Variants in SH3BP2 observed in about 807,000 individuals in gnomAD.
SH3BP2 encodes SH3 domain binding protein 2.
Under a neutral mutation model 56.2 loss-of-function variants are expected in SH3BP2, and 38 were observed. The observed-to-expected ratio is 0.68, with a 90% confidence interval of 0.52 to 0.89. The LOEUF (loss-of-function observed/expected upper bound fraction) is 0.89, where lower values mean the gene tolerates loss of function less well. SH3BP2 is among the 40% of genes least tolerant of loss of function. The pLI, the probability that SH3BP2 is intolerant of heterozygous loss-of-function variation, is 0.00. For synonymous variants in SH3BP2, 346 were observed against 316.7 expected (o/e 1.09, Z -0.98); for missense variants, 748 against 762.6 (o/e 0.98, Z 0.23).
chr4:2,812,080 G>T, intron 1 of SH3BP2: 3 of 996,272 alleles, frequency 3.0e-6, no homozygotes, highest in Non-Finnish European at 4.1e-6. Context: ...GAGCCAGAGA[G>T]CCCTGGCCTC....
Position 2,830,124 on chromosome 4 carries a change from G to A in SH3BP2, c.1218G>A (p.Glu406=), listed in dbSNP as rs1281853755. ...GGCCCGCAGTCCTGCCCAGGCCAGA[G>A]AAGCCGCAGCTCCCGCACCTCCAGT... ...MARPAVLPRP[E]KPQLPHLQRS... is the part of the protein sequence containing the mutation. Residue 406 remains glutamate (E), a synonymous_variant, in exon 8 of 13, where the codon GAG becomes GAA. Coordinates refer to ENST00000503393, the MANE Select transcript of SH3BP2 (RefSeq NM_001122681.2). The A allele has an allele frequency of 6.2e-7, 1 of 1,602,926 alleles. No individual in the cohort carries two copies. Among genetic ancestry groups the A allele is most frequent in the Non-Finnish European group, 8.5e-7 (1 of 1,179,312 alleles).
intron 6 of SH3BP2, 96 bp downstream of exon 6, chr4:2,827,414 T>G: frequency 7.6e-7 from 1 of 1,323,968 alleles, no homozygotes; most frequent in Non-Finnish European, 1.1e-6. Context: ...TCGGCTGTGC[T>G]CCTTGCTCTG....
At chr4:2,811,351 G>C (rs745404475) in intron 1 of SH3BP2, among the ~76,000 whole-genome samples, 1 of 152,230 alleles carries the variant, frequency 6.6e-6, no homozygotes, top group African/African-American at 2.4e-5. Flanking sequence ...TTTGTGGCCT[G>C]TGCTCTGTGG....
At chr4:2,806,414 C>G (rs1263098597) in intron 1 of SH3BP2, among the ~76,000 whole-genome samples, 2 of 152,210 alleles carry the variant, frequency 1.3e-5, no homozygotes, top group African/African-American at 4.8e-5. Flanking sequence ...CATCAGGACT[C>G]TGGAGAATTT....
intron 1 of SH3BP2, among the ~76,000 whole-genome samples, chr4:2,806,238 CCT>C (rs1723528969): frequency 6.6e-6 from 1 of 152,196 alleles, no homozygotes; most frequent in Admixed American, 6.5e-5. Context: ...GACTGCCGCC[CCT>C]CTCGGGACCC....
In SH3BP2 at chr4:2,827,651, C is replaced by T. The variant is rs1724745474; in HGVS notation, c.563C>T (p.Ser188Phe). The T allele has an allele frequency of 6.3e-7, 1 of 1,595,444 alleles. No homozygotes were observed. Among genetic ancestry groups the T allele is most frequent in the Non-Finnish European group, 8.5e-7 (1 of 1,170,724 alleles). Residue 188 changes from serine (S) to phenylalanine (F), a missense_variant, in exon 7 of 13, where the codon TCC (serine) becomes TTC (phenylalanine). By Grantham distance (155) the Ser-to-Phe change is radical (BLOSUM62 -2). Transcript: ENST00000503393. ...DEDDSYLEPD[S>F]PEPGRLEDAL... ...GATGACTCCTACCTGGAGCCTGACT[C>T]CCCGGAGCCCGGAAGGCTTGAGGGT...
At chr4:2,806,780 C>G (rs1424654514) in intron 1 of SH3BP2, among the ~76,000 whole-genome samples, 1 of 152,240 alleles carries the variant, frequency 6.6e-6, no homozygotes, top group Non-Finnish European at 1.5e-5. Flanking sequence ...ATGCCCATCT[C>G]AAGAACCTTT....
chr4:2,803,230 C>T (rs1349428138), intron 1 of SH3BP2, among the ~76,000 whole-genome samples: 1 of 152,234 alleles, frequency 6.6e-6, no homozygotes. Context: ...TGGCTCCTGA[C>T]CTCTGCCGTT....
chr4:2,827,685 C>T lies in SH3BP2; in HGVS notation c.586+11C>T, dbSNP rs367949083. The stretch of plus-strand genomic sequence containing the variant: ...CCGGAAGGCTTGAGGGTAGGTGGGG[C>T]GGGTGGGCCCGGGGAGCTCTGGGTG... On this transcript the variant is annotated intron_variant, in intron 7 of 12. Coordinates refer to ENST00000503393, the MANE Select transcript of SH3BP2 (RefSeq NM_001122681.2). The T allele has an allele frequency of 1.2e-5, 8 of 688,190 alleles. No individual in the cohort carries two copies. Among genetic ancestry groups the T allele is most frequent in the East Asian group, 4.8e-5 (1 of 20,776 alleles). 42.6% of individuals were successfully genotyped at this position (688,190 alleles called of 1,614,324 possible). A position where few individuals can be genotyped will look rare whatever the true frequency, so the allele number is the denominator to read the frequency against.
intron 1 of SH3BP2, chr4:2,818,768 C>T: frequency 1.0e-6 from 1 of 988,092 alleles, no homozygotes; most frequent in South Asian, 4.7e-5. Context: ...TGACCCCTCC[C>T]TGCCCAGAGG....
At chr4:2,823,278 G>C (rs150649231) in intron 3 of SH3BP2, 210 of 581,556 alleles carry the variant, frequency 3.6e-4, no homozygotes, top group African/African-American at 3.6e-3. Flanking sequence ...TTGTGCACAA[G>C]TCCCAGAGGC....
At chr4:2,815,837 A>G (rs1212185293) in intron 1 of SH3BP2, among the ~76,000 whole-genome samples, 1 of 152,150 alleles carries the variant, frequency 6.6e-6, no homozygotes, top group Non-Finnish European at 1.5e-5. Context: ...GATGGGAGAC[A>G]ATGACCAACT....
intron 11 of SH3BP2, 143 bp from the exon 12 acceptor site, chr4:2,832,847 G>C (rs1725067306): frequency 1.3e-6 from 1 of 799,462 alleles, no homozygotes; most frequent in East Asian, 2.5e-5. Flanking sequence ...CCTTGTGCAG[G>C]TGGTCTGGAG....
chr4:2,832,958 G>T (rs1400529152), intron 11 of SH3BP2, 32 bp from the exon 12 acceptor site: 2 of 1,611,400 alleles, frequency 1.2e-6, no homozygotes. Flanking sequence ...TGTTTCTCAG[G>T]GAGCCGTCAG....
At chr4:2,823,534 C>A in intron 3 of SH3BP2, 1 of 456,238 alleles carries the variant, frequency 2.2e-6, no homozygotes, top group Non-Finnish European at 4.4e-6. Context: ...CAGTGATGGG[C>A]CATGAGCTGC....
intron 8 of SH3BP2, 77 bp downstream of exon 8, chr4:2,830,224 C>T (rs1016688506): frequency 2.2e-6 from 3 of 1,373,344 alleles, no homozygotes; most frequent in Non-Finnish European, 2.9e-6. Flanking sequence ...GCACTCTGCC[C>T]ACCTCGCTCC....
At chr4:2,825,693 G>A (rs556211168) in intron 5 of SH3BP2, among the ~76,000 whole-genome samples, 4 of 152,368 alleles carry the variant, frequency 2.6e-5, no homozygotes, top group African/African-American at 7.2e-5. Flanking sequence ...GCCGCCATGG[G>A]TAGTTCCTGT....
intron 1 of SH3BP2, among the ~76,000 whole-genome samples, chr4:2,808,847 A>G (rs408749): frequency 0.55 from 2,747 of 4,970 alleles, 631 homozygotes; most frequent in South Asian, 0.62. Flanking sequence ...CTCAGTGCCC[A>G]CCTTCCCCCA....
chr4:2,833,570 C>T (rs10028459), intron 12 of SH3BP2, 127 bp from the exon 13 acceptor site: 4 of 1,283,844 alleles, frequency 3.1e-6, no homozygotes, highest in African/African-American at 1.5e-5. Flanking sequence ...GCACCACCGA[C>T]AGCCAGGGGC....
Sources: allele counts gnomAD v4.1 joint callset (sites outside exome capture counted in the v4.1 genomes callset), GRCh38; gene constraint gnomAD v4.1.1; transcripts MANE v1.5; gene names NCBI Gene and HGNC (gene_info 2026-07-23, HGNC 2026-07-21).